SEMA6D: variants seen among roughly 807,000 people sequenced by gnomAD.
The protein encoded by SEMA6D is semaphorin-6D.
Under a neutral mutation model 106.6 loss-of-function variants are expected in SEMA6D, and 35 were observed. The observed-to-expected ratio is 0.33, with a 90% CI of 0.25 to 0.44. The LOEUF (loss-of-function observed/expected upper bound fraction) is 0.44. Among genes scored for constraint, SEMA6D ranks in the 20% least tolerant of loss-of-function variants. The pLI is 1.00. For synonymous variants in SEMA6D, 499 were observed against 487.7 expected (o/e 1.02, Z -0.31); for missense variants, 1,185 against 1,345.9 (o/e 0.88, Z 1.87).
chr15:47,346,020 G>A (rs143762279), intron 1 of SEMA6D, among the ~76,000 whole-genome samples: 82 of 151,944 alleles, frequency 5.4e-4, no homozygotes, highest in African/African-American at 2.0e-3. Flanking sequence ...ATATATAACT[G>A]TTATGAAATG....
chr15:47,660,725 G>A (rs2077901442), intron 4 of SEMA6D, among the ~76,000 whole-genome samples: 1 of 152,114 alleles, frequency 6.6e-6, no homozygotes, highest in African/African-American at 2.4e-5. Context: ...GATATTAGAA[G>A]TGATTTTTTC....
intron 13 of SEMA6D, chr15:47,765,503 T>C: frequency 1.1e-6 from 1 of 941,892 alleles, no homozygotes; most frequent in Non-Finnish European, 1.3e-6. Context: ...AAATAAGAAA[T>C]AGAAGAGAGA....
At chr15:47,247,228 G>A (rs1039567933) in intron 1 of SEMA6D, among the ~76,000 whole-genome samples, 2 of 152,154 alleles carry the variant, frequency 1.3e-5, no homozygotes, top group Non-Finnish European at 2.9e-5. Context: ...GGAATGAGGA[G>A]AAAAGGGAGA....
chr15:47,393,964 G>A (rs994255309), intron 1 of SEMA6D, among the ~76,000 whole-genome samples: 1 of 152,136 alleles, frequency 6.6e-6, no homozygotes, highest in African/African-American at 2.4e-5. Flanking sequence ...ATTCAGAGAG[G>A]TTGAGCAAAT....
intron 2 of SEMA6D, among the ~76,000 whole-genome samples, chr15:47,422,171 C>CCT (rs1320575462): frequency 0.016 from 1,997 of 123,896 alleles, 60 homozygotes; most frequent in African/African-American, 0.022. Flanking sequence ...TTTGCCCGCC[C>CCT]GCCTGCCTGC....
intron 3 of SEMA6D, among the ~76,000 whole-genome samples, chr15:47,588,091 CT>C (rs906052082): frequency 6.6e-6 from 1 of 152,134 alleles, no homozygotes; most frequent in Non-Finnish European, 1.5e-5. Context: ...CAGAAAGGGC[CT>C]TTTCTCACTG....
chr15:47,450,778 C>CT (rs1236526108), intron 2 of SEMA6D, among the ~76,000 whole-genome samples: 1 of 152,056 alleles, frequency 6.6e-6, no homozygotes, highest in African/African-American at 2.4e-5. Context: ...TATGAGCATA[C>CT]TGGGGATACC....
At chr15:47,623,443 C>T (rs2077145124) in intron 4 of SEMA6D, among the ~76,000 whole-genome samples, 2 of 152,264 alleles carry the variant, frequency 1.3e-5, no homozygotes, top group African/African-American at 2.4e-5. Flanking sequence ...GCAACTGATA[C>T]AAAATAATGT....
intron 1 of SEMA6D, among the ~76,000 whole-genome samples, chr15:47,333,489 A>G (rs2037426399): frequency 6.6e-6 from 1 of 152,156 alleles, no homozygotes; most frequent in Non-Finnish European, 1.5e-5. Flanking sequence ...GTAAGGGCTT[A>G]TTTGAGTATC....
At chr15:47,598,840 A>G (rs896477474) in intron 3 of SEMA6D, among the ~76,000 whole-genome samples, 1 of 152,114 alleles carries the variant, frequency 6.6e-6, no homozygotes. Flanking sequence ...GCAAATAATA[A>G]CAGGTTTTAC....
At chr15:47,382,251 G>A (rs2039665699) in intron 1 of SEMA6D, among the ~76,000 whole-genome samples, 1 of 152,192 alleles carries the variant, frequency 6.6e-6, no homozygotes, top group Admixed American at 6.5e-5. Context: ...GCTCACACCT[G>A]TAATCCCAGC....
chr15:47,238,519 C>T (rs2032699855), intron 1 of SEMA6D, among the ~76,000 whole-genome samples: 1 of 152,070 alleles, frequency 6.6e-6, no homozygotes, highest in Non-Finnish European at 1.5e-5. Context: ...ATTTAGCTGC[C>T]AATATTTGTA....
chr15:47,321,629 G>A (rs889940808), intron 1 of SEMA6D, among the ~76,000 whole-genome samples: 3 of 152,126 alleles, frequency 2.0e-5, no homozygotes, highest in Non-Finnish European at 4.4e-5. Context: ...AGAAGTGTTA[G>A]TTCTTTATGA....
chr15:47,448,035 C>T (rs1021247315), intron 2 of SEMA6D, among the ~76,000 whole-genome samples: 10 of 152,086 alleles, frequency 6.6e-5, no homozygotes, highest in African/African-American at 2.4e-4. Context: ...CCAATATACT[C>T]ACCCAGAAAT....
intron 3 of SEMA6D, among the ~76,000 whole-genome samples, chr15:47,577,383 T>A (rs1027439741): frequency 1.3e-5 from 2 of 152,220 alleles, no homozygotes; most frequent in Admixed American, 6.5e-5. Context: ...TGTTTCACAT[T>A]TCTGAAAAAG....
intron 1 of SEMA6D, among the ~76,000 whole-genome samples, chr15:47,301,850 C>A (rs2036034426): frequency 6.6e-6 from 1 of 152,132 alleles, no homozygotes; most frequent in South Asian, 2.1e-4. Flanking sequence ...TTCAAGAGTC[C>A]CCCAAACTCT....
intron 1 of SEMA6D, among the ~76,000 whole-genome samples, chr15:47,385,065 T>TTTTTTTTTTTTTA (rs35758807): frequency 0.13 from 17,106 of 135,120 alleles, 1,472 homozygotes; most frequent in Non-Finnish European, 0.16. Context: ...TTTTTTTTTT[T>TTTTTTTTTTTTTA]ACCATAGAAC....
intron 4 of SEMA6D, among the ~76,000 whole-genome samples, chr15:47,642,949 A>G (rs2077515857): frequency 6.6e-6 from 1 of 152,056 alleles, no homozygotes; most frequent in Non-Finnish European, 1.5e-5. Context: ...AGAGTAAGAT[A>G]GAGATGAAGA....
At chr15:47,509,895 G>A (rs1656615) in intron 3 of SEMA6D, among the ~76,000 whole-genome samples, 2,198 of 152,242 alleles carry the variant, frequency 0.014, 55 homozygotes, top group African/African-American at 0.051. Flanking sequence ...ATTCCAATGC[G>A]TGCCAACATT....
Sources: gnomAD v4.1 joint callset for allele counts (sites outside exome capture counted in the v4.1 genomes callset) on GRCh38, gnomAD v4.1.1 for gene constraint, MANE v1.5 for transcripts, NCBI Gene and HGNC (gene_info 2026-07-23, HGNC 2026-07-21) for gene names.